Variants in GRAP2 observed in about 807,000 individuals in gnomAD.
GRAP2 encodes GRB2 related adaptor protein 2.
A neutral mutation model predicts 43.5 loss-of-function variants in GRAP2; 31 were observed. That is an observed-to-expected ratio of 0.71 (90% confidence interval 0.54 to 0.96). The LOEUF (loss-of-function observed/expected upper bound fraction) is 0.96. GRAP2 is among the 40% of genes least tolerant of loss of function. The probability of loss-of-function intolerance (pLI) is 0.00; values close to 1 mark genes in which losing one functional copy is unlikely to be tolerated. For synonymous variants in GRAP2, 156 were observed against 164.8 expected (o/e 0.95, Z 0.41); for missense variants, 371 against 424.4 (o/e 0.87, Z 1.11).
At chr22:39,968,646 A>C in intron 6 of GRAP2, 1 of 264,132 alleles carries the variant, frequency 3.8e-6, no homozygotes. Context: ...AATACCCACA[A>C]CAGAGCCTTG....
intron 1 of GRAP2, among the ~76,000 whole-genome samples, chr22:39,909,938 G>A (rs929469037): frequency 6.6e-6 from 1 of 152,214 alleles, no homozygotes; most frequent in Non-Finnish European, 1.5e-5. Context: ...GAAGAGCCAT[G>A]TGAAGTTTCC....
intron 2 of GRAP2, 77 bp downstream of exon 2, chr22:39,947,261 C>G: frequency 6.3e-6 from 5 of 796,302 alleles, no homozygotes; most frequent in Non-Finnish European, 1.2e-5. Context: ...GCCTTTGTCT[C>G]TTAAGAACTG....
At chr22:39,939,234 A>G (rs2066839101) in intron 1 of GRAP2, among the ~76,000 whole-genome samples, 1 of 152,200 alleles carries the variant, frequency 6.6e-6, no homozygotes, top group Non-Finnish European at 1.5e-5. Flanking sequence ...CCTCTTGAGA[A>G]GGCTGTTTGT....
At chr22:39,923,064 A>G (rs2066667670) in intron 1 of GRAP2, among the ~76,000 whole-genome samples, 1 of 151,708 alleles carries the variant, frequency 6.6e-6, no homozygotes, top group South Asian at 2.1e-4. Flanking sequence ...AAATTCAGGT[A>G]TATTTAAAAT....
the GRAP2 span, chr22:39,893,844 A>G: frequency 6.6e-5 from 10 of 152,314 alleles, no homozygotes; most frequent in African/African-American, 2.4e-4. Flanking sequence ...GGCGTCAAGC[A>G]AGATGGTTGC....
intron 1 of GRAP2, among the ~76,000 whole-genome samples, chr22:39,935,892 T>C (rs2066802044): frequency 6.6e-6 from 1 of 152,192 alleles, no homozygotes; most frequent in Non-Finnish European, 1.5e-5. Flanking sequence ...TGAGCGTATT[T>C]GCAGCATTTG....
chr22:39,936,605 A>G (rs2066808946), intron 1 of GRAP2, among the ~76,000 whole-genome samples: 1 of 152,160 alleles, frequency 6.6e-6, no homozygotes, highest in African/African-American at 2.4e-5. Context: ...AACTTGGAAA[A>G]AGCAGAATAT....
At chr22:39,894,809 G>A in the GRAP2 span, among the ~76,000 whole-genome samples, 2 of 152,202 alleles carry the variant, frequency 1.3e-5, no homozygotes, top group Non-Finnish European at 2.9e-5. Flanking sequence ...GACAGGCACC[G>A]TCAGAGAAGA....
At chr22:39,970,627 T>C (rs908026970) in intron 7 of GRAP2, among the ~76,000 whole-genome samples, 16 of 152,034 alleles carry the variant, frequency 1.1e-4, no homozygotes, top group African/African-American at 3.4e-4. Context: ...CTGATTTAAA[T>C]TGCAGCAGGG....
At chr22:39,968,332 A>G in intron 6 of GRAP2, 60 bp downstream of exon 6, 2 of 1,574,292 alleles carry the variant, frequency 1.3e-6, no homozygotes, top group South Asian at 1.2e-5. Flanking sequence ...CCTCCCCTCC[A>G]GGCCTGGCCC....
intron 4 of GRAP2, among the ~76,000 whole-genome samples, chr22:39,963,570 A>C (rs1449997202): frequency 1.3e-5 from 2 of 152,216 alleles, no homozygotes; most frequent in Non-Finnish European, 2.9e-5. Flanking sequence ...AAGTGATTGC[A>C]ATATGTTGAT....
chr22:39,901,171 C>G lies in GRAP2; in HGVS notation c.-174C>G. The G allele has an allele frequency of 1.7e-6, 1 of 576,144 alleles. No homozygotes were observed. Among genetic ancestry groups the G allele is most frequent in the Middle Eastern group, 3.0e-4 (1 of 3,302 alleles). 35.7% of individuals were successfully genotyped at this position (576,144 alleles called of 1,614,324 possible). A position where few individuals can be genotyped will look rare whatever the true frequency, so the allele number is the denominator to read the frequency against. On this transcript the variant is annotated 5_prime_UTR_variant, in exon 1 of 8. Transcript: ENST00000344138. Reference sequence around the variant, plus strand: ...CAGTTAATGGATCTGTAAACTTGCACCCTCTTTCAGAGTGGTACATGGAAG... The same window carrying G: ...CAGTTAATGGATCTGTAAACTTGCAGCCTCTTTCAGAGTGGTACATGGAAG...
At chr22:39,967,914 GC>G (rs2067191378) in intron 5 of GRAP2, 127 bp from the exon 6 acceptor site, 2 of 1,204,594 alleles carry the variant, frequency 1.7e-6, no homozygotes. Context: ...TCTTTTAGCT[GC>G]CCCCACCCCA....
intron 6 of GRAP2, chr22:39,968,600 C>A: frequency 2.6e-6 from 1 of 381,934 alleles, no homozygotes; most frequent in Admixed American, 4.3e-5. Context: ...GCCCCTTAGC[C>A]CATCTGGCTG....
intron 1 of GRAP2, among the ~76,000 whole-genome samples, chr22:39,902,037 G>A (rs934454118): frequency 1.3e-5 from 2 of 152,072 alleles, no homozygotes; most frequent in Non-Finnish European, 2.9e-5. Context: ...GCCCTGACAG[G>A]TATACTGTCA....
upstream of GRAP2, among the ~76,000 whole-genome samples, chr22:39,897,712 T>C (rs2066471555): frequency 6.6e-6 from 1 of 151,928 alleles, no homozygotes; most frequent in Non-Finnish European, 1.5e-5. Flanking sequence ...AGAAATTGGG[T>C]TTCTCCATGT....
chr22:39,957,462 A>G (rs1014561437), intron 3 of GRAP2, among the ~76,000 whole-genome samples: 2 of 152,102 alleles, frequency 1.3e-5, no homozygotes, highest in Non-Finnish European at 2.9e-5. Flanking sequence ...AAGTGTGCTC[A>G]AACAGTCGGC....
chr22:39,912,521 C>T (rs1243888093), intron 1 of GRAP2, among the ~76,000 whole-genome samples: 1 of 152,146 alleles, frequency 6.6e-6, no homozygotes, highest in Non-Finnish European at 1.5e-5. Context: ...CATTTTTTGT[C>T]ACAGTTTGCA....
intron 1 of GRAP2, among the ~76,000 whole-genome samples, chr22:39,934,248 G>A (rs1303118785): frequency 6.6e-6 from 1 of 152,204 alleles, no homozygotes; most frequent in Non-Finnish European, 1.5e-5. Context: ...TAGGCTGAAG[G>A]ATAACTACTT....
Sources: allele counts gnomAD v4.1 joint callset (sites outside exome capture counted in the v4.1 genomes callset), GRCh38; gene constraint gnomAD v4.1.1; transcripts MANE v1.5; gene names NCBI Gene and HGNC (gene_info 2026-07-23, HGNC 2026-07-21).